The following SEMA5A variants were observed in gnomAD, a reference collection of about 807,000 sequenced individuals.
SEMA5A encodes semaphorin 5A, also known as semaphorin-5A.
Under a neutral mutation model 135.5 loss-of-function variants are expected in SEMA5A, and 55 were observed. That is an observed-to-expected ratio of 0.41 (90% CI 0.33 to 0.51). The LOEUF is 0.51. Ranked by LOEUF, SEMA5A falls within the 20% of genes least tolerant of loss-of-function variation. The probability of loss-of-function intolerance (pLI) is 0.37; values close to 1 mark genes in which losing one functional copy is unlikely to be tolerated. For missense variants in SEMA5A, 1,290 were observed against 1,419.9 expected, an observed-to-expected ratio of 0.91 and a Z score of 1.47; for synonymous variants, 580 against 546.5, an observed-to-expected ratio of 1.06 and a Z score of -0.85.
intron 17 of SEMA5A, among the ~76,000 whole-genome samples, chr5:9,063,725 C>G (rs190909636): frequency 3.2e-4 from 48 of 152,288 alleles, no homozygotes; most frequent in African/African-American, 1.1e-3. Flanking sequence ...TTAGAGCACA[C>G]TACCTAACAA....
chr5:9,278,732 C>A (rs974243252), intron 5 of SEMA5A, among the ~76,000 whole-genome samples: 7 of 152,344 alleles, frequency 4.6e-5, no homozygotes, highest in South Asian at 4.1e-4. Flanking sequence ...GGCCAAGGTA[C>A]AGCTCAGGCT....
In SEMA5A at chr5:9,105,655, C is replaced by T. The variant is rs78276549; in HGVS notation, c.2073+2485G>A. 8.3e-3 allele frequency among the ~76,000 whole-genome samples: 1,269 copies of T among 152,236 alleles called. 23 individuals are homozygous for T. Among genetic ancestry groups the T allele is most frequent in the African/African-American group, 0.029 (1,204 of 41,540 alleles). On this transcript the variant is annotated intron_variant, in intron 16 of 22. Coordinates refer to ENST00000382496, the MANE Select transcript of SEMA5A (RefSeq NM_003966.3). Reference sequence around the variant, plus strand: ...GATGGCACCCTCCTTGATACAGGAGCTCTCAGTAGGAAAAACCATCACCGC... The same window carrying T: ...GATGGCACCCTCCTTGATACAGGAGTTCTCAGTAGGAAAAACCATCACCGC...
chr5:9,115,170 G>A (rs1740447723), intron 15 of SEMA5A, among the ~76,000 whole-genome samples: 1 of 152,186 alleles, frequency 6.6e-6, no homozygotes, highest in Non-Finnish European at 1.5e-5. Context: ...CCAGCAGCTT[G>A]GATGGAAAGG....
intron 4 of SEMA5A, among the ~76,000 whole-genome samples, chr5:9,328,662 G>A (rs1329133058): frequency 6.6e-6 from 1 of 152,154 alleles, no homozygotes; most frequent in Non-Finnish European, 1.5e-5. Context: ...TGCAATCTCA[G>A]CTACTCGGGA....
rs1184945328 is a variant in SEMA5A, at chr5:9,041,155, TG to T, written c.*1741del. On this transcript the variant is annotated 3_prime_UTR_variant, in exon 23 of 23. Transcript: ENST00000382496. ...CAATACTGTGTCATCTCTGTAAATC[TG>T]GGTATATGAGAATATTTTGAACTCA... The T allele has an allele frequency of 6.6e-6, 1 of 152,252 alleles. No individual in the cohort carries two copies. Among genetic ancestry groups the T allele is most frequent in the Non-Finnish European group, 1.5e-5 (1 of 68,044 alleles). The allele number at this position is 152,252 out of a possible 1,614,324, so 9.4% of individuals were successfully genotyped here. A position where few individuals can be genotyped will look rare whatever the true frequency, so the allele number is the denominator to read the frequency against.
chr5:9,400,500 C>CTTTTTTTTTTT (rs1176889691), intron 2 of SEMA5A, among the ~76,000 whole-genome samples: 1 of 85,414 alleles, frequency 1.2e-5, no homozygotes. Context: ...ACACAATGTA[C>CTTTTTTTTTTT]ATTTTTTTTT....
intron 5 of SEMA5A, among the ~76,000 whole-genome samples, chr5:9,302,526 C>A (rs1453043906): frequency 6.6e-6 from 1 of 152,176 alleles, no homozygotes; most frequent in Non-Finnish European, 1.5e-5. Flanking sequence ...CAGCACATTT[C>A]ATTTCATGCT....
chr5:9,202,583 T>C (rs1325409747), intron 8 of SEMA5A, among the ~76,000 whole-genome samples: 1 of 152,230 alleles, frequency 6.6e-6, no homozygotes, highest in South Asian at 2.1e-4. Flanking sequence ...TATTTGCAAA[T>C]TCTTACATAA....
At chr5:9,293,772 T>C (rs1162277599) in intron 5 of SEMA5A, among the ~76,000 whole-genome samples, 1 of 152,216 alleles carries the variant, frequency 6.6e-6, no homozygotes, top group African/African-American at 2.4e-5. Flanking sequence ...GAGAAACTGT[T>C]AAACCAAATT....
chr5:9,131,952 T>C lies in SEMA5A; in HGVS notation c.1599+4552A>G, dbSNP rs143225277. 6.6e-3 allele frequency among the ~76,000 whole-genome samples: 1,000 copies of C among 152,330 alleles called. 4 individuals are homozygous for C. Among genetic ancestry groups the C allele is most frequent in the South Asian group, 0.011 (51 of 4,824 alleles). ...AAACTCAAGTAGATTCCTAAGACTA[T>C]GCTACCCTTGTTAAACAACATTATG... On this transcript the variant is annotated intron_variant, in intron 13 of 22. Coordinates refer to ENST00000382496, the MANE Select transcript of SEMA5A (RefSeq NM_003966.3).
intron 13 of SEMA5A, among the ~76,000 whole-genome samples, chr5:9,135,182 T>TC (rs1413839370): frequency 4.6e-4 from 68 of 146,852 alleles, no homozygotes; most frequent in African/African-American, 1.5e-3. Context: ...CGACTTTCTT[T>TC]TTTTTTTTTT....
chr5:9,191,063 G>A lies in SEMA5A; in HGVS notation c.1069-592C>T, dbSNP rs139845993. Among the ~76,000 whole-genome samples the A allele has an allele frequency of 1.4e-3, 215 of 152,198 alleles. 2 individuals are homozygous for A. The highest frequency in any genetic ancestry group is 4.9e-3 in the African/African-American group (202 of 41,514). Reference sequence around the variant, plus strand: ...CAATTAGAAGAAATTATTAAAAAATGTTTAGAGTCCAGGAATATGGAAAAG... The same window carrying A: ...CAATTAGAAGAAATTATTAAAAAATATTTAGAGTCCAGGAATATGGAAAAG... On this transcript the variant is annotated intron_variant, in intron 10 of 22. Coordinates refer to ENST00000382496, the MANE Select transcript of SEMA5A (RefSeq NM_003966.3).
At chr5:9,149,901 G>A (rs1742542027) in intron 12 of SEMA5A, among the ~76,000 whole-genome samples, 2 of 152,226 alleles carry the variant, frequency 1.3e-5, no homozygotes, top group African/African-American at 4.8e-5. Context: ...TCATAGGGTA[G>A]CAGGTTCTGA....
chr5:9,126,768 G>A (rs993526661), intron 13 of SEMA5A, among the ~76,000 whole-genome samples: 8 of 152,224 alleles, frequency 5.3e-5, no homozygotes, highest in South Asian at 2.1e-4. Context: ...AGGGGGTCTC[G>A]GACTACAGGA....
chr5:9,520,482 T>G (rs1736766540), intron 1 of SEMA5A, among the ~76,000 whole-genome samples: 1 of 150,004 alleles, frequency 6.7e-6, no homozygotes, highest in African/African-American at 2.5e-5. Flanking sequence ...AAGGTGAGGG[T>G]GGGTAGGGGG....
chr5:9,321,930 A>T lies in SEMA5A; in HGVS notation c.225-3513T>A, dbSNP rs1752644441. On this transcript the variant is annotated intron_variant, in intron 4 of 22. Transcript: ENST00000382496. ...CTTGAAAAGAAGCTTTCATACACAAAGGAAGAGCTGGAAGTGCATCAGGGC... is the reference window on the plus strand; with the variant it reads ...CTTGAAAAGAAGCTTTCATACACAATGGAAGAGCTGGAAGTGCATCAGGGC... Among the ~76,000 whole-genome samples, 4 of 152,142 alleles carry T rather than the reference A, an allele frequency of 2.6e-5. No homozygotes were observed. In the South Asian group the frequency reaches 8.3e-4, roughly 31 times the overall value.
intron 3 of SEMA5A, among the ~76,000 whole-genome samples, chr5:9,339,142 T>C (rs1243080110): frequency 6.6e-6 from 1 of 152,168 alleles, no homozygotes; most frequent in East Asian, 1.9e-4. Flanking sequence ...AATGGAACTA[T>C]GAAAAGTTAT....
chr5:9,505,596 C>G (rs1049135013), intron 1 of SEMA5A, among the ~76,000 whole-genome samples: 1 of 152,158 alleles, frequency 6.6e-6, no homozygotes, highest in African/African-American at 2.4e-5. Flanking sequence ...GTTACTTAGT[C>G]TCTCTCTTCC....
chr5:9,506,526 C>G (rs985643297), intron 1 of SEMA5A, among the ~76,000 whole-genome samples: 1 of 152,122 alleles, frequency 6.6e-6, no homozygotes, highest in Non-Finnish European at 1.5e-5. Flanking sequence ...TAATGAACAA[C>G]GAAATATGGC....
Sources: allele counts gnomAD v4.1 joint callset (sites outside exome capture counted in the v4.1 genomes callset), GRCh38; gene constraint gnomAD v4.1.1; transcripts MANE v1.5; gene names NCBI Gene and HGNC (gene_info 2026-07-23, HGNC 2026-07-21).